CROT: variants seen among roughly 807,000 people sequenced by gnomAD.
The protein encoded by CROT is carnitine O-octanoyltransferase, also known as peroxisomal carnitine O-octanoyltransferase.
In CROT, 84 loss-of-function variants were observed where a neutral mutation model predicts 89.2. That is an observed-to-expected ratio of 0.94 (90% CI 0.79 to 1.13). The LOEUF (loss-of-function observed/expected upper bound fraction) is 1.13, where lower values mean the gene tolerates loss of function less well. Ranked by LOEUF, CROT falls within the 50% of genes most tolerant of loss-of-function variation. CROT has a pLI of 0.00. For missense variants in CROT, 711 were observed against 727.8 expected (o/e 0.98, Z 0.27); for synonymous variants, 212 against 239.5 (o/e 0.89, Z 1.06).
chr7:87,377,937 T>C lies in CROT; in HGVS notation c.978+487T>C, dbSNP rs112173121. 8.5e-5 allele frequency among the ~76,000 whole-genome samples: 13 copies of C among 152,272 alleles called. 2 individuals are homozygous for C. The highest frequency in any genetic ancestry group is 2.9e-4 in the African/African-American group (12 of 41,546). ...CCATTTTGACCATTTTCATAAAAAA[T>C]GAACAACTTTTCTTGCTTCTCCTCT... On this transcript the variant is annotated intron_variant, in intron 10 of 17. Coordinates refer to ENST00000331536, the MANE Select transcript of CROT (RefSeq NM_021151.4).
intron 6 of CROT, among the ~76,000 whole-genome samples, chr7:87,365,826 G>A (rs566971571): frequency 2.0e-5 from 3 of 151,898 alleles, no homozygotes; most frequent in East Asian, 1.9e-4. Context: ...GGCTGGTCTC[G>A]AACTCCTGAG....
intron 17 of CROT, among the ~76,000 whole-genome samples, chr7:87,397,092 G>A (rs1244309610): frequency 6.6e-6 from 1 of 151,992 alleles, no homozygotes; most frequent in African/African-American, 2.4e-5. Flanking sequence ...GGTGGCTCAC[G>A]CCTGTAATCC....
chr7:87,349,825 G>A (rs1310666227), intron 3 of CROT, among the ~76,000 whole-genome samples: 1 of 152,104 alleles, frequency 6.6e-6, no homozygotes, highest in Non-Finnish European at 1.5e-5. Flanking sequence ...AACCTTAAGG[G>A]GAGATAAAGG....
chr7:87,352,854 A>G (rs1324388845), intron 3 of CROT, among the ~76,000 whole-genome samples: 2 of 152,258 alleles, frequency 1.3e-5, no homozygotes, highest in East Asian at 3.8e-4. Flanking sequence ...ATATTCAGAT[A>G]TAGGCAAAAT....
At chr7:87,376,788 T>C (rs1806825233) in intron 9 of CROT, among the ~76,000 whole-genome samples, 1 of 152,202 alleles carries the variant, frequency 6.6e-6, no homozygotes, top group East Asian at 1.9e-4. Flanking sequence ...TGCAAACACA[T>C]ATATAAAATA....
At chr7:87,379,182 G>A (rs932935488) in intron 10 of CROT, among the ~76,000 whole-genome samples, 1 of 152,028 alleles carries the variant, frequency 6.6e-6, no homozygotes, top group Non-Finnish European at 1.5e-5. Context: ...GCTGCAGTTG[G>A]TTACCCTCTG....
chr7:87,360,351 A>AT (rs1052742201), intron 4 of CROT, among the ~76,000 whole-genome samples: 18 of 152,076 alleles, frequency 1.2e-4, no homozygotes, highest in Admixed American at 5.9e-4. Context: ...TTATTTATTT[A>AT]TTTTTTGGAG....
chr7:87,384,278 T>C (rs907205756), intron 13 of CROT, among the ~76,000 whole-genome samples: 58 of 152,302 alleles, frequency 3.8e-4, no homozygotes, highest in African/African-American at 1.4e-3. Context: ...ACACCTGTAG[T>C]CCCAGCAATT....
intron 2 of CROT, among the ~76,000 whole-genome samples, chr7:87,347,563 T>C (rs902481224): frequency 2.6e-5 from 4 of 152,234 alleles, no homozygotes; most frequent in South Asian, 2.1e-4. Context: ...AGTCAATAGA[T>C]AGAAAGAAGC....
intron 2 of CROT, among the ~76,000 whole-genome samples, chr7:87,348,715 C>T (rs922593314): frequency 6.6e-6 from 1 of 152,170 alleles, no homozygotes; most frequent in African/African-American, 2.4e-5. Context: ...GCAAAGAATG[C>T]CACCTTTCAG....
At chr7:87,376,930 G>A (rs1000654141) in intron 9 of CROT, among the ~76,000 whole-genome samples, 1 of 151,964 alleles carries the variant, frequency 6.6e-6, no homozygotes, top group Non-Finnish European at 1.5e-5. Flanking sequence ...CCATTAATAG[G>A]CCAAAGTATA....
intron 3 of CROT, chr7:87,357,567 A>T: frequency 7.3e-7 from 1 of 1,362,324 alleles, no homozygotes; most frequent in East Asian, 2.5e-5. Context: ...GGGTTCTTGG[A>T]TCTCACGCGG....
Position 87,361,866 on chromosome 7 carries a change from C to T in CROT, c.547+14C>T. ...ATTTTAGGACTGGTAAGTAAAAATG[C>T]AGATATCGTTTTTAGTAAAGGCACT... On this transcript the variant is annotated intron_variant, in intron 6 of 17. Coordinates refer to ENST00000331536, the MANE Select transcript of CROT (RefSeq NM_021151.4). 5 of 1,561,984 alleles carry T rather than the reference C, an allele frequency of 3.2e-6. No homozygotes were observed. The highest frequency in any genetic ancestry group is 4.3e-6 in the Non-Finnish European group (5 of 1,157,160).
intron 17 of CROT, among the ~76,000 whole-genome samples, chr7:87,394,696 A>T (rs1807468430): frequency 6.6e-6 from 1 of 152,166 alleles, no homozygotes; most frequent in Admixed American, 6.6e-5. Flanking sequence ...TAGCAAAAAA[A>T]ATGCCTTTCT....
chr7:87,366,213 C>T (rs1341803725), intron 6 of CROT, among the ~76,000 whole-genome samples: 2 of 152,034 alleles, frequency 1.3e-5, no homozygotes, highest in Non-Finnish European at 2.9e-5. Flanking sequence ...ATTAAGCTTA[C>T]TACTTCCCCT....
intron 6 of CROT, 128 bp downstream of exon 6, chr7:87,361,980 G>A: frequency 1.3e-6 from 1 of 799,306 alleles, no homozygotes; most frequent in Non-Finnish European, 1.9e-6. Context: ...GGTTTTCTGT[G>A]AGCCTTATAT....
chr7:87,348,791 T>A (rs1462958375), intron 2 of CROT, among the ~76,000 whole-genome samples: 1 of 152,226 alleles, frequency 6.6e-6, no homozygotes, highest in Non-Finnish European at 1.5e-5. Context: ...ACCTGGCAAA[T>A]GCTAGGTGTT....
At chr7:87,390,840 A>G (rs1014462276) in intron 13 of CROT, among the ~76,000 whole-genome samples, 3 of 152,240 alleles carry the variant, frequency 2.0e-5, no homozygotes, top group Non-Finnish European at 2.9e-5. Flanking sequence ...CTTAAAACAC[A>G]TACTTTTTTA....
At chr7:87,398,360 C>T (rs1389387685) in intron 17 of CROT, 164 bp from the exon 18 acceptor site, 1 of 818,346 alleles carries the variant, frequency 1.2e-6, no homozygotes, top group East Asian at 2.6e-5. Context: ...GCATTATCTA[C>T]AGATATGGCT....
Sources: gnomAD v4.1 joint callset for allele counts (sites outside exome capture counted in the v4.1 genomes callset) on GRCh38, gnomAD v4.1.1 for gene constraint, MANE v1.5 for transcripts, NCBI Gene and HGNC (gene_info 2026-07-23, HGNC 2026-07-21) for gene names.